Variants in ACTR3C observed in about 807,000 individuals in gnomAD.
ACTR3C encodes the protein actin-related protein 3C.
In ACTR3C, 18 loss-of-function variants were observed where a neutral mutation model predicts 26.3. The observed-to-expected ratio is 0.68, with a 90% CI of 0.47 to 1.01. The LOEUF (loss-of-function observed/expected upper bound fraction) is 1.01. ACTR3C is among the 50% of genes least tolerant of loss of function. The pLI, the probability that ACTR3C is intolerant of heterozygous loss-of-function variation, is 0.00. For missense variants in ACTR3C, 184 were observed against 250.7 expected (o/e 0.73, Z 1.80); for synonymous variants, 55 against 94.5 (o/e 0.58, Z 2.42).
intron 1 of ACTR3C, among the ~76,000 whole-genome samples, chr7:150,301,000 C>T (rs2689432): frequency 0.011 from 1,622 of 152,020 alleles, 38 homozygotes; most frequent in African/African-American, 0.037. Context: ...ATCTGAAAAG[C>T]GGGCCTAATA....
At chr7:150,267,906 T>C (rs1834161428) in intron 6 of ACTR3C, among the ~76,000 whole-genome samples, 1 of 152,226 alleles carries the variant, frequency 6.6e-6, no homozygotes, top group African/African-American at 2.4e-5. Context: ...GTGGTGATTA[T>C]CACGTTAAGT....
chr7:150,157,499 G>A, the ACTR3C span, among the ~76,000 whole-genome samples: 1 of 151,668 alleles, frequency 6.6e-6, no homozygotes. Flanking sequence ...ACTTCGTGGA[G>A]CTCATACATA....
chr7:149,918,465 C>A, the ACTR3C span, among the ~76,000 whole-genome samples: 1 of 152,208 alleles, frequency 6.6e-6, no homozygotes, highest in South Asian at 2.1e-4. Context: ...CCGAGGCAGG[C>A]GGATCACCTG....
chr7:149,920,718 CTTT>C, the ACTR3C span, among the ~76,000 whole-genome samples: 1 of 148,204 alleles, frequency 6.7e-6, no homozygotes, highest in Non-Finnish European at 1.5e-5. Flanking sequence ...GGCCTGTTGG[CTTT>C]TTTCCTGCTT....
chr7:150,280,918 G>A (rs1835277184), intron 6 of ACTR3C, among the ~76,000 whole-genome samples: 1 of 152,076 alleles, frequency 6.6e-6, no homozygotes, highest in Admixed American at 6.5e-5. Context: ...TTTCAATAAA[G>A]CTAGGAGAAA....
the ACTR3C span, among the ~76,000 whole-genome samples, chr7:149,945,862 G>A: frequency 1.3e-5 from 2 of 152,206 alleles, no homozygotes; most frequent in Non-Finnish European, 2.9e-5. Context: ...CTAGGGGTTA[G>A]ATGACAGTCT....
chr7:150,275,158 G>A (rs1834767597), intron 6 of ACTR3C, among the ~76,000 whole-genome samples: 1 of 152,116 alleles, frequency 6.6e-6, no homozygotes, highest in Admixed American at 6.5e-5. Flanking sequence ...TACATGTCCT[G>A]GTAATGCAAT....
chr7:150,111,192 C>T, the ACTR3C span, among the ~76,000 whole-genome samples: 2 of 129,500 alleles, frequency 1.5e-5, no homozygotes, highest in South Asian at 2.4e-4. Context: ...CAGGGACTCG[C>T]TCCAGCTGTG....
the ACTR3C span, among the ~76,000 whole-genome samples, chr7:149,926,562 G>A: frequency 7.9e-5 from 12 of 152,292 alleles, no homozygotes; most frequent in East Asian, 1.9e-4. Context: ...TCCCTGGTAC[G>A]GAGCATTGCA....
At chr7:150,020,638 A>C in the ACTR3C span, among the ~76,000 whole-genome samples, 1 of 151,884 alleles carries the variant, frequency 6.6e-6, no homozygotes, top group African/African-American at 2.4e-5. Flanking sequence ...TCAATCTGTG[A>C]TCCACCTTGG....
chr7:150,120,577 G>T, the ACTR3C span, among the ~76,000 whole-genome samples: 1 of 152,014 alleles, frequency 6.6e-6, no homozygotes, highest in Non-Finnish European at 1.5e-5. Flanking sequence ...AAGTTCTGAA[G>T]TTGATACAGT....
At chr7:150,098,403 G>A in the ACTR3C span, among the ~76,000 whole-genome samples, 1 of 151,750 alleles carries the variant, frequency 6.6e-6, no homozygotes, top group African/African-American at 2.4e-5. Context: ...GGAGGAAGCT[G>A]GTAAGAGGCC....
the ACTR3C span, among the ~76,000 whole-genome samples, chr7:150,209,200 CACAT>C: frequency 1.3e-5 from 2 of 148,188 alleles, no homozygotes; most frequent in Non-Finnish European, 2.9e-5. Flanking sequence ...CACACTCACA[CACAT>C]ACAGAGAGAG....
chr7:150,205,060 C>T, the ACTR3C span, among the ~76,000 whole-genome samples: 756 of 152,194 alleles, frequency 5.0e-3, 7 homozygotes, highest in African/African-American at 0.016. Context: ...TAGACTAGGC[C>T]GGGCATTTTA....
At chr7:149,994,703 T>C in the ACTR3C span, among the ~76,000 whole-genome samples, 2 of 152,044 alleles carry the variant, frequency 1.3e-5, no homozygotes, top group African/African-American at 4.8e-5. Flanking sequence ...AATCTGTGAG[T>C]GTGAGAATAG....
At position 150,294,786 on chromosome 7, in the gene ACTR3C, T is replaced by C. The variant is rs1055513199; in HGVS notation, c.45+466A>G. ...AGGTGGCAGGCAAATAATGACCAAA[T>C]GCAACCAAAAAATATCACACCAAGA... is the stretch of plus-strand genomic sequence containing the variant. On this transcript the variant is annotated intron_variant, in intron 2 of 7. Transcript: ENST00000683684. Among the ~76,000 whole-genome samples, 57 of 151,602 alleles carry C rather than the reference T, an allele frequency of 3.8e-4. 1 individual carries two copies. Among genetic ancestry groups the C allele is most frequent in the African/African-American group, 1.2e-3 (51 of 41,208 alleles).
the ACTR3C span, among the ~76,000 whole-genome samples, chr7:150,175,917 G>C: frequency 6.7e-6 from 1 of 150,290 alleles, no homozygotes; most frequent in Admixed American, 6.6e-5. Flanking sequence ...ATAGGTATGG[G>C]TTTGTGCACT....
At chr7:150,265,306 A>C (rs145706005) in intron 6 of ACTR3C, among the ~76,000 whole-genome samples, 5,879 of 150,972 alleles carry the variant, frequency 0.039, 343 homozygotes, top group African/African-American at 0.12. Context: ...GGCTAATTTA[A>C]TACATTTAAA....
downstream of ACTR3C, among the ~76,000 whole-genome samples, chr7:150,240,167 ATGAGT>A (rs1170211022): frequency 1.3e-5 from 2 of 152,232 alleles, no homozygotes; most frequent in Admixed American, 1.3e-4. Context: ...CATTTAGCAT[ATGAGT>A]TATCTTTCTT....
Sources: gnomAD v4.1 joint callset for allele counts (sites outside exome capture counted in the v4.1 genomes callset) on GRCh38, gnomAD v4.1.1 for gene constraint, MANE v1.5 for transcripts, NCBI Gene and HGNC (gene_info 2026-07-23, HGNC 2026-07-21) for gene names.